Variants in DOCK7 observed in about 807,000 individuals in gnomAD.
The protein encoded by DOCK7 is dedicator of cytokinesis 7.
DOCK7 carries 138 observed loss-of-function variants against 271.0 expected under a neutral mutation model. The ratio of observed to expected loss-of-function variants is 0.51; its 90% CI spans 0.44 to 0.59. The LOEUF (loss-of-function observed/expected upper bound fraction) is 0.59. DOCK7 is among the 20% of genes least tolerant of loss of function. DOCK7 has a pLI of 0.00. For synonymous variants in DOCK7, 823 were observed against 876.1 expected, an observed-to-expected ratio of 0.94 and a Z score of 1.07; for missense variants, 2,066 against 2,592.4, an observed-to-expected ratio of 0.80 and a Z score of 4.41.
At chr1:62,584,365 T>A (rs923186403) in intron 15 of DOCK7, 2 of 987,252 alleles carry the variant, frequency 2.0e-6, no homozygotes, top group African/African-American at 3.5e-5. Flanking sequence ...ATGTCAATAT[T>A]ACATTATCAA....
At chr1:62,604,620 C>A in intron 14 of DOCK7, 1 of 1,612,196 alleles carries the variant, frequency 6.2e-7, no homozygotes, top group Non-Finnish European at 8.5e-7. Flanking sequence ...AATTGCATAT[C>A]TATCTCCTTT....
chr1:62,554,568 A>G (rs1646076130), intron 21 of DOCK7, among the ~76,000 whole-genome samples: 1 of 151,678 alleles, frequency 6.6e-6, no homozygotes, highest in South Asian at 2.1e-4. Flanking sequence ...TTTTATTTTT[A>G]AAATAAAACA....
chr1:62,559,141 C>T lies in DOCK7; in HGVS notation c.2279G>A (p.Arg760Gln), dbSNP rs775510896. ...HLFPVRIGDM[R>Q]IMENNLENEL... ...ATTTTCTAAGTTATTTTCCATGATTCGCATGTCCCCAATTCGGACTGGGAA... is the reference window on the plus strand; with the variant it reads ...ATTTTCTAAGTTATTTTCCATGATTTGCATGTCCCCAATTCGGACTGGGAA... Residue 760 changes from arginine (R) to glutamine (Q), a missense_variant, in exon 20 of 50, where the codon CGA becomes CAA. Physicochemically the swap from Arg to Gln is conservative, Grantham distance 43. Transcript: ENST00000635253. 3.7e-6 allele frequency: 6 copies of T among 1,613,614 alleles called. No homozygotes were observed. Among genetic ancestry groups the T allele is most frequent in the Admixed American group, 3.3e-5 (2 of 59,902 alleles).
chr1:62,473,137 G>A (rs1174452903), intron 48 of DOCK7, among the ~76,000 whole-genome samples: 1 of 152,168 alleles, frequency 6.6e-6, no homozygotes, highest in Non-Finnish European at 1.5e-5. Context: ...TAGTCTTGGG[G>A]ATGGACACAC....
chr1:62,652,021 G>C (rs1657445451), intron 4 of DOCK7, among the ~76,000 whole-genome samples: 1 of 152,132 alleles, frequency 6.6e-6, no homozygotes, highest in East Asian at 1.9e-4. Flanking sequence ...CTTCCTCCAA[G>C]ATGTGCTCAC....
At position 62,559,151 on chromosome 1, in the gene DOCK7, C is replaced by T. The variant is rs762302168; in HGVS notation, c.2269G>A (p.Gly757Arg). 6.2e-7 allele frequency: 1 copy of T among 1,613,702 alleles called. No individual in the cohort carries two copies. The highest frequency in any genetic ancestry group is 1.7e-5 in the Admixed American group (1 of 59,892). ...LDEHLFPVRI[G>R]DMRIMENNLE... is the part of the protein sequence containing the mutation. ...TTATTTTCCATGATTCGCATGTCCC[C>T]AATTCGGACTGGGAACAGGTGTTCA... The change falls in exon 20 of 50, where the codon GGG becomes AGG. Residue 757 changes from glycine (G) to arginine (R), a missense_variant. Gly to Arg is a moderately radical substitution (Grantham distance 125). Transcript: ENST00000635253.
Position 62,539,767 on chromosome 1 carries a change from A to C in DOCK7, c.3171T>G (p.Val1057=). 1 of 1,613,118 alleles carries C rather than the reference A, an allele frequency of 6.2e-7. No homozygotes were observed. The highest frequency in any genetic ancestry group is 8.5e-7 in the Non-Finnish European group (1 of 1,179,760). ...TTATCATTACCTTCTGAAATCGTGA[A>C]ACTATATCACTAGCAATCGTGCTGA... ...ALVSTIASDI[V]SRFQKDTEMV... The change falls in exon 26 of 50, where the codon GTT becomes GTG. Residue 1057 remains valine, a synonymous_variant. Transcript: ENST00000635253.
chr1:62,470,293 T>C (rs910346570), intron 48 of DOCK7, among the ~76,000 whole-genome samples: 2 of 152,190 alleles, frequency 1.3e-5, no homozygotes. Flanking sequence ...AGATTATTTA[T>C]TCTAAGTGAA....
intron 23 of DOCK7, 145 bp downstream of exon 23, chr1:62,544,802 T>C (rs1473134288): frequency 8.7e-6 from 5 of 573,488 alleles, no homozygotes; most frequent in Middle Eastern, 2.8e-4. Flanking sequence ...TGCATAGTAG[T>C]TGGAAAATGT....
intron 3 of DOCK7, 81 bp from the exon 4 acceptor site, chr1:62,653,874 T>G: frequency 6.8e-7 from 1 of 1,479,422 alleles, no homozygotes; most frequent in Admixed American, 1.8e-5. Context: ...CAATCGCTGT[T>G]TGCGTAACAG....
At chr1:62,477,454 A>C (rs1210993100) in intron 44 of DOCK7, among the ~76,000 whole-genome samples, 3 of 152,228 alleles carry the variant, frequency 2.0e-5, no homozygotes, top group Non-Finnish European at 2.9e-5. Flanking sequence ...GTAATTCTGA[A>C]GGATACAGGG....
intron 48 of DOCK7, among the ~76,000 whole-genome samples, chr1:62,462,375 C>T (rs1307489987): frequency 6.6e-6 from 1 of 152,174 alleles, no homozygotes; most frequent in Admixed American, 6.5e-5. Context: ...ATTGCTCTGC[C>T]ACACGGCAAA....
At chr1:62,484,384 A>G (rs1406386246) in intron 43 of DOCK7, 3 of 152,228 alleles carry the variant, frequency 2.0e-5, no homozygotes, top group Admixed American at 2.0e-4. Flanking sequence ...AAAGTATCAC[A>G]TGACTATGTT....
chr1:62,618,650 A>G (rs1037026921), intron 14 of DOCK7, 56 bp downstream of exon 14: 3 of 1,443,730 alleles, frequency 2.1e-6, no homozygotes, highest in Non-Finnish European at 2.9e-6. Flanking sequence ...TTATACTTTA[A>G]TATTTTAGAA....
At chr1:62,665,438 GC>G (rs1659182171) in intron 1 of DOCK7, among the ~76,000 whole-genome samples, 1 of 152,120 alleles carries the variant, frequency 6.6e-6, no homozygotes, top group South Asian at 2.1e-4. Flanking sequence ...AGGCGCGGTG[GC>G]TCGCGCCTGT....
In DOCK7 at chr1:62,535,662, T is replaced by C. The variant is rs556414452; in HGVS notation, c.3472-30A>G. On this transcript the variant is annotated intron_variant, in intron 28 of 49. Coordinates refer to ENST00000635253, the MANE Select transcript of DOCK7 (RefSeq NM_001367561.1). ...TGGAAAGTGAGGCAGAACAAGACTA[T>C]AACAGCAGTGCAACAAAGCATCCTA... 8.0e-5 allele frequency: 129 copies of C among 1,604,322 alleles called. 3 individuals are homozygous for C. In the South Asian group the frequency reaches 1.4e-3, roughly 17 times the overall value.
chr1:62,526,031 G>C (rs1365817926), intron 31 of DOCK7, among the ~76,000 whole-genome samples: 1 of 152,124 alleles, frequency 6.6e-6, no homozygotes, highest in East Asian at 1.9e-4. Context: ...CCACCTCCCA[G>C]GCTCAAACAA....
chr1:62,604,158 C>A (rs377241107), intron 14 of DOCK7: 6 of 1,613,064 alleles, frequency 3.7e-6, no homozygotes, highest in Non-Finnish European at 5.1e-6. Context: ...AATGCAATCC[C>A]GGAAAACAAA....
chr1:62,565,285 G>C (rs1646473837), intron 18 of DOCK7, among the ~76,000 whole-genome samples: 1 of 152,118 alleles, frequency 6.6e-6, no homozygotes, highest in Non-Finnish European at 1.5e-5. Context: ...AAATATCCCT[G>C]ATCAACATCG....
Sources: allele counts gnomAD v4.1 joint callset (sites outside exome capture counted in the v4.1 genomes callset), GRCh38; gene constraint gnomAD v4.1.1; transcripts MANE v1.5; gene names NCBI Gene and HGNC (gene_info 2026-07-23, HGNC 2026-07-21).